TRNT1: variants seen among roughly 807,000 people sequenced by gnomAD.
The protein encoded by TRNT1 is tRNA nucleotidyl transferase 1.
A neutral mutation model predicts 45.6 loss-of-function variants in TRNT1; 44 were observed. That is an observed-to-expected ratio of 0.97 (90% CI 0.76 to 1.24). The LOEUF (loss-of-function observed/expected upper bound fraction) is 1.24. Among genes scored for constraint, TRNT1 ranks in the 50% most tolerant of loss-of-function variants. The pLI, the probability that TRNT1 is intolerant of heterozygous loss-of-function variation, is 0.00. For missense variants in TRNT1, 633 were observed against 504.4 expected, an observed-to-expected ratio of 1.25 and a Z score of -2.44; for synonymous variants, 201 against 171.4, an observed-to-expected ratio of 1.17 and a Z score of -1.35.
intron 5 of TRNT1, chr3:3,145,510 A>C (rs931835325): frequency 6.6e-6 from 1 of 151,964 alleles, no homozygotes; most frequent in Non-Finnish European, 1.5e-5. Context: ...CTCAAAAAAA[A>C]AAAAAAAAAA....
chr3:3,145,733 TTGAG>T (rs368557768), intron 5 of TRNT1: 5 of 152,278 alleles, frequency 3.3e-5, no homozygotes, highest in African/African-American at 1.2e-4. Context: ...TTCTCTAAAC[TTGAG>T]TATTTGTAGT....
chr3:3,151,148 A>G (rs1296761489), downstream of TRNT1: 13 of 1,202,342 alleles, frequency 1.1e-5, no homozygotes, highest in South Asian at 7.9e-5. Context: ...AATTCTAAGG[A>G]TTAGAGATTC....
At chr3:3,150,562 A>AGAT (rs1553558021), downstream of TRNT1, 1 of 234,632 alleles carries the variant, frequency 4.3e-6, no homozygotes, top group African/African-American at 2.3e-5. Flanking sequence ...TCATTTCCAA[A>AGAT]GATGTCTTCA....
At position 3,148,283 on chromosome 3, in the gene TRNT1, T is replaced by A. The variant is rs571155174; in HGVS notation, c.*129T>A. On this transcript the variant is annotated 3_prime_UTR_variant, in exon 8 of 8. Transcript: ENST00000251607. ...GGGGACCTCTGTAGAACAACAAGGG[T>A]CTTATTTTGTGAATTATATATTTCA... 1.1e-6 allele frequency: 1 copy of A among 942,894 alleles called. No individual in the cohort carries two copies. The highest frequency in any genetic ancestry group is 1.6e-6 in the Non-Finnish European group (1 of 637,178). 58.4% of individuals were successfully genotyped at this position (942,894 alleles called of 1,614,324 possible). A position where few individuals can be genotyped will look rare whatever the true frequency, so the allele number is the denominator to read the frequency against.
chr3:3,136,955 T>G (rs1705366378), intron 2 of TRNT1, among the ~76,000 whole-genome samples: 1 of 152,220 alleles, frequency 6.6e-6, no homozygotes, highest in East Asian at 1.9e-4. Flanking sequence ...CTGACCTGCT[T>G]TAGTCTTTAG....
intron 2 of TRNT1, chr3:3,136,658 CTTT>C (rs56033417): frequency 1.9e-3 from 731 of 387,160 alleles, no homozygotes; most frequent in Middle Eastern, 2.8e-3. Context: ...CTTTTTTTTT[CTTT>C]TTTTTTTTTT....
chr3:3,140,338 G>T (rs1176256958), intron 3 of TRNT1, among the ~76,000 whole-genome samples, 172 bp from the exon 4 acceptor site: 2 of 152,134 alleles, frequency 1.3e-5, no homozygotes, highest in Non-Finnish European at 2.9e-5. Flanking sequence ...TTTGAATAAT[G>T]TGGATATCTT....
rs762709856 is a variant in TRNT1 at position 3,147,468 on chromosome 3, G to C, written c.821G>C (p.Ser274Thr). Residue 274 changes from serine (S) to threonine (T), a missense_variant, in exon 7 of 8, where the codon AGT becomes ACT. Physicochemically the swap from Ser to Thr is moderately conservative, Grantham distance 58. Transcript: ENST00000251607. ...APYIGLPANASLEEFDKVSKN... is the reference protein window; with the variant it reads ...APYIGLPANATLEEFDKVSKN... ...CCTACAGGTTTACCTGCTAATGCAA[G>C]TTTAGAAGAATTTGACAAAGTCAGT... 26 of 1,613,428 alleles carry C rather than the reference G, an allele frequency of 1.6e-5. No individual in the cohort carries two copies. The highest frequency in any genetic ancestry group is 2.2e-5 in the Non-Finnish European group (26 of 1,179,658).
In TRNT1 at chr3:3,148,386, T is replaced by C; in HGVS notation, c.*232T>C. 1 of 421,266 alleles carries C rather than the reference T, an allele frequency of 2.4e-6. No individual in the cohort carries two copies. Among genetic ancestry groups the C allele is most frequent in the Non-Finnish European group, 4.2e-6 (1 of 238,168 alleles). The allele number at this position is 421,266 out of a possible 1,614,324, so 26.1% of individuals were successfully genotyped here. A position where few individuals can be genotyped will look rare whatever the true frequency, so the allele number is the denominator to read the frequency against. ...ACAGTTCTTTTGGAATAGTTTCACC[T>C]GAGAAAACATAGTTGGCTATTATCT... On this transcript the variant is annotated 3_prime_UTR_variant, in exon 8 of 8. Transcript: ENST00000251607.
chr3:3,142,898 C>T (rs1213029418), intron 4 of TRNT1, among the ~76,000 whole-genome samples: 3 of 152,078 alleles, frequency 2.0e-5, no homozygotes, highest in East Asian at 1.9e-4. Context: ...CTGGAGCCTT[C>T]GAAATTTGCC....
At chr3:3,149,244 A>G (rs1706297586), downstream of TRNT1, 1 of 152,130 alleles carries the variant, frequency 6.6e-6, no homozygotes, top group African/African-American at 2.4e-5. Flanking sequence ...GTCAGTAATT[A>G]GATGCATTAT....
In TRNT1 at chr3:3,146,413, A is replaced by C; in HGVS notation, c.609-17A>C. On this transcript the variant is annotated splice_polypyrimidine_tract_variant and intron_variant, in intron 5 of 7. Transcript: ENST00000251607. ...GCCAATATAGAGGTAATACCCTGTG[A>C]AGATTTTGTCTTGTAGGTTTTATGG... 1 of 1,598,130 alleles carries C rather than the reference A, an allele frequency of 6.3e-7. No individual in the cohort carries two copies. The highest frequency in any genetic ancestry group is 2.2e-5 in the East Asian group (1 of 44,780).
chr3:3,146,535 T>C lies in TRNT1; in HGVS notation c.714T>C (p.Ile238=). The C allele has an allele frequency of 6.2e-7, 1 of 1,613,982 alleles. No homozygotes were observed. Among genetic ancestry groups the C allele is most frequent in the Non-Finnish European group, 8.5e-7 (1 of 1,179,952 alleles). Residue 238 remains isoleucine (I), a synonymous_variant, in exon 6 of 8, where the codon ATT becomes ATC. Coordinates refer to ENST00000251607, the MANE Select transcript of TRNT1 (RefSeq NM_182916.3). ...KGLAGISGER[I]WVELKKILVG... ...TGGCTGGAATATCAGGAGAAAGGAT[T>C]TGGGTGGAACTGAAAAAAATTCTTG...
chr3:3,144,827 T>G, intron 5 of TRNT1, 117 bp downstream of exon 5: 1 of 1,081,862 alleles, frequency 9.2e-7, no homozygotes, highest in Non-Finnish European at 1.3e-6. Context: ...CAAATGTCTG[T>G]CTCCAGTGGA....
Position 3,148,078 on chromosome 3 carries a change from A to G in TRNT1, c.1229A>G (p.Gln410Arg). Residue 410 changes from glutamine to arginine, a missense_variant, in exon 8 of 8, where the codon CAG (glutamine) becomes CGG (arginine). Coordinates refer to ENST00000251607, the MANE Select transcript of TRNT1 (RefSeq NM_182916.3). ...AAAGAAATTGGGGCTCTATTACAACAGTTGCGAGAACAGTGGAAAAAAAGT... is the reference window on the plus strand; with the variant it reads ...AAAGAAATTGGGGCTCTATTACAACGGTTGCGAGAACAGTGGAAAAAAAGT... Reference protein sequence around the residue: ...SGKEIGALLQQLREQWKKSGY... With the variant: ...SGKEIGALLQRLREQWKKSGY... 1.9e-6 allele frequency: 3 copies of G among 1,613,970 alleles called. No individual in the cohort carries two copies. The highest frequency in any genetic ancestry group is 2.5e-6 in the Non-Finnish European group (3 of 1,179,852).
At chr3:3,135,075 G>A (rs950998321) in intron 2 of TRNT1, among the ~76,000 whole-genome samples, 3 of 152,068 alleles carry the variant, frequency 2.0e-5, no homozygotes, top group Non-Finnish European at 4.4e-5. Context: ...CGAAGGGTAG[G>A]TTTTCTTTTA....
At chr3:3,128,330 C>T (rs780634891) in intron 1 of TRNT1, among the ~76,000 whole-genome samples, 1 of 152,324 alleles carries the variant, frequency 6.6e-6, no homozygotes, top group Non-Finnish European at 1.5e-5. Context: ...GGCTCAGTGG[C>T]TCACGCCTGT....
chr3:3,136,284 G>A (rs1306667644), intron 2 of TRNT1, among the ~76,000 whole-genome samples: 1 of 152,152 alleles, frequency 6.6e-6, no homozygotes, highest in Admixed American at 6.5e-5. Flanking sequence ...TGGCAGGCTA[G>A]CTCCTGGATG....
intron 4 of TRNT1, among the ~76,000 whole-genome samples, chr3:3,143,324 A>C (rs1705777288): frequency 6.6e-6 from 1 of 152,202 alleles, no homozygotes; most frequent in South Asian, 2.1e-4. Flanking sequence ...TCTACTAATT[A>C]ATACTTGAGG....
Sources: gnomAD v4.1 joint callset for allele counts (sites outside exome capture counted in the v4.1 genomes callset) on GRCh38, gnomAD v4.1.1 for gene constraint, MANE v1.5 for transcripts, NCBI Gene and HGNC (gene_info 2026-07-23, HGNC 2026-07-21) for gene names.